Variants in USP13 observed in about 807,000 individuals in gnomAD.
The protein encoded by USP13 is ubiquitin carboxyl-terminal hydrolase 13.
In USP13, 68 loss-of-function variants were observed where a neutral mutation model predicts 107.8. The ratio of observed to expected loss-of-function variants is 0.63; its 90% CI spans 0.52 to 0.77. USP13 has a LOEUF of 0.77. Among genes scored for constraint, USP13 ranks in the 30% least tolerant of loss-of-function variants. The pLI is 0.00. For missense variants in USP13, 945 were observed against 1,093.3 expected (o/e 0.86, Z 1.91); for synonymous variants, 377 against 389.5 (o/e 0.97, Z 0.38).
chr3:179,689,998 C>A (rs896702740), intron 2 of USP13, among the ~76,000 whole-genome samples: 4 of 152,134 alleles, frequency 2.6e-5, no homozygotes, highest in Non-Finnish European at 5.9e-5. Flanking sequence ...TCCCTGGTTT[C>A]CATTTCTTTT....
chr3:179,683,010 G>A (rs1359952790), intron 2 of USP13, among the ~76,000 whole-genome samples: 1 of 150,552 alleles, frequency 6.6e-6, no homozygotes, highest in Non-Finnish European at 1.5e-5. Flanking sequence ...ATATTTAGAT[G>A]AAGTGGCATC....
chr3:179,778,681 G>T (rs1292725822), intron 19 of USP13, among the ~76,000 whole-genome samples: 1 of 152,078 alleles, frequency 6.6e-6, no homozygotes, highest in African/African-American at 2.4e-5. Flanking sequence ...CAGGAGAATT[G>T]CTTGAATCCC....
At position 179,781,771 on chromosome 3, in the gene USP13, G is replaced by C. The variant is rs766581113; in HGVS notation, c.2446G>C (p.Gly816Arg). The change falls in exon 20 of 21, where the codon GGA (glycine) becomes CGA (arginine). Residue 816 changes from glycine to arginine, a missense_variant. Gly to Arg is a moderately radical substitution (Grantham distance 125). Coordinates refer to ENST00000263966, the MANE Select transcript of USP13 (RefSeq NM_003940.3). ...GCTATTTGCATTCATCAGTCACATG[G>C]GAACATCCACAATGAGTGGTCATTA... ...YELFAFISHM[G>R]TSTMSGHYIC... 6.2e-7 allele frequency: 1 copy of C among 1,613,852 alleles called. No individual in the cohort carries two copies. Among genetic ancestry groups the C allele is most frequent in the Non-Finnish European group, 8.5e-7 (1 of 1,179,904 alleles).
intron 4 of USP13, among the ~76,000 whole-genome samples, chr3:179,702,073 G>A (rs1185820301): frequency 6.6e-6 from 1 of 151,990 alleles, no homozygotes; most frequent in African/African-American, 2.4e-5. Flanking sequence ...AGGCTGGAGT[G>A]CCGTGGCGCG....
chr3:179,664,178 T>G (rs1356177464), intron 1 of USP13, among the ~76,000 whole-genome samples: 1 of 151,724 alleles, frequency 6.6e-6, no homozygotes, highest in African/African-American at 2.4e-5. Context: ...TGGAGTGCAG[T>G]GGCATGATCT....
intron 3 of USP13, among the ~76,000 whole-genome samples, chr3:179,698,181 A>C (rs922577990): frequency 6.6e-6 from 1 of 152,150 alleles, no homozygotes; most frequent in African/African-American, 2.4e-5. Context: ...GAAGGTGATA[A>C]CTTCTGAATA....
chr3:179,747,444 G>A (rs75407238), intron 13 of USP13, among the ~76,000 whole-genome samples: 1 of 152,152 alleles, frequency 6.6e-6, no homozygotes, highest in African/African-American at 2.4e-5. Flanking sequence ...TGCCGACTGG[G>A]GTATTGTTCA....
At chr3:179,696,357 T>A (rs1421374686) in intron 3 of USP13, among the ~76,000 whole-genome samples, 2 of 110,588 alleles carry the variant, frequency 1.8e-5, no homozygotes, top group Non-Finnish European at 3.4e-5. Flanking sequence ...TGAGATGGAG[T>A]CTTGCTCTTG....
intron 20 of USP13, among the ~76,000 whole-genome samples, chr3:179,782,826 A>G (rs1440616483): frequency 2.0e-5 from 3 of 151,896 alleles, no homozygotes; most frequent in Non-Finnish European, 4.4e-5. Context: ...GCTCATTACA[A>G]CCTCCGCCTC....
intron 1 of USP13, among the ~76,000 whole-genome samples, chr3:179,669,966 G>T (rs745758355): frequency 6.6e-6 from 1 of 152,134 alleles, no homozygotes; most frequent in Non-Finnish European, 1.5e-5. Flanking sequence ...CTCCCCTGGC[G>T]TGCCAGGCTT....
intron 1 of USP13, among the ~76,000 whole-genome samples, chr3:179,672,204 G>A (rs1260740839): frequency 6.6e-6 from 1 of 151,934 alleles, no homozygotes; most frequent in African/African-American, 2.4e-5. Flanking sequence ...TCTTTTAAAC[G>A]GCAGGCAATA....
rs1294671700 is a variant in USP13, at chr3:179,745,118, C to G, written c.1610C>G (p.Ala537Gly). The change falls in exon 13 of 21, where the codon GCC becomes GGC. Residue 537 changes from alanine (A) to glycine (G), a missense_variant. By Grantham distance (60) the Ala-to-Gly change is moderately conservative. Coordinates refer to ENST00000263966, the MANE Select transcript of USP13 (RefSeq NM_003940.3). ...NRRPLPELVR[A>G]KIPFSACLQA... ...AGACCCCTTCCTGAGTTGGTACGTG[C>G]CAAGATACCATTTAGTGCCTGCCTT... The G allele has an allele frequency of 2.5e-6, 4 of 1,614,004 alleles. No individual in the cohort carries two copies. Among genetic ancestry groups the G allele is most frequent in the Non-Finnish European group, 3.4e-6 (4 of 1,180,036 alleles).
Position 179,653,377 on chromosome 3 carries a change from TCTC to T in USP13, c.155_157del (p.Ser52del), listed in dbSNP as rs1720144741. ...AGGGTCTACAAGAACGAGTGCGCCT[TCTC>T]CTACGACTCTCCCGTAAGTGAGGCG... On this transcript the variant is annotated inframe_deletion, in exon 1 of 21. Transcript: ENST00000263966. The surrounding 1 kb of genome is among the most constrained non-coding windows in gnomAD (Gnocchi z 4.0). 1 of 1,565,560 alleles carries T rather than the reference TCTC, an allele frequency of 6.4e-7. No individual in the cohort carries two copies. The highest frequency in any genetic ancestry group is 8.7e-7 in the Non-Finnish European group (1 of 1,155,206).
At chr3:179,774,012 A>T (rs1576992872) in intron 19 of USP13, among the ~76,000 whole-genome samples, 3 of 152,098 alleles carry the variant, frequency 2.0e-5, no homozygotes, top group South Asian at 4.1e-4. Flanking sequence ...TAAAAAAAGG[A>T]GGTTTGTTTG....
intron 4 of USP13, among the ~76,000 whole-genome samples, chr3:179,705,293 GTTATTTAT>G (rs140624702): frequency 1.7e-4 from 26 of 152,066 alleles, no homozygotes; most frequent in Non-Finnish European, 3.4e-4. Context: ...TACAAATTTT[GTTATTTAT>G]TTATTTATTT....
rs529548700 is a variant in USP13, at chr3:179,775,871, C to T, written c.2414-5868C>T. On this transcript the variant is annotated intron_variant, in intron 19 of 20. Coordinates refer to ENST00000263966, the MANE Select transcript of USP13 (RefSeq NM_003940.3). ...GCCTCTCCCTCCACCTGCGCCTCTC[C>T]CTCCACACCTTGCAAGCAGAGGGAG... 2.0e-5 allele frequency among the ~76,000 whole-genome samples: 3 copies of T among 152,318 alleles called. No individual in the cohort carries two copies. The South Asian group carries it at 6.2e-4, about 32-fold the overall frequency.
intron 1 of USP13, among the ~76,000 whole-genome samples, chr3:179,659,620 C>G (rs1300274005): frequency 1.3e-5 from 2 of 152,174 alleles, no homozygotes; most frequent in Admixed American, 1.3e-4. Context: ...ATCATCACAA[C>G]AACCCTATGT....
intron 12 of USP13, among the ~76,000 whole-genome samples, chr3:179,743,955 A>G (rs1714302970): frequency 6.8e-6 from 1 of 146,836 alleles, no homozygotes; most frequent in Non-Finnish European, 1.5e-5. Context: ...TGAGTAATAC[A>G]AAAGAAATGA....
Position 179,656,291 on chromosome 3 carries a change from A to G in USP13, c.168+2898A>G, listed in dbSNP as rs143446778. Among the ~76,000 whole-genome samples, 54 of 152,344 alleles carry G rather than the reference A, an allele frequency of 3.5e-4. 1 individual carries two copies. In the East Asian group the frequency reaches 9.8e-3, roughly 28 times the overall value. On this transcript the variant is annotated intron_variant, in intron 1 of 20. Coordinates refer to ENST00000263966, the MANE Select transcript of USP13 (RefSeq NM_003940.3). ...GATGATGGGGGCCTTGAATCTGGAA[A>G]ACATTTGATCTTGATTTTATATGGT...
Sources: allele counts gnomAD v4.1 joint callset (sites outside exome capture counted in the v4.1 genomes callset), GRCh38; gene constraint gnomAD v4.1.1; non-coding constraint Gnocchi (gnomAD v3.1); transcripts MANE v1.5; gene names NCBI Gene and HGNC (gene_info 2026-07-23, HGNC 2026-07-21).